LMOD1: variants seen among roughly 807,000 people sequenced by gnomAD.
LMOD1 encodes the protein leiomodin-1.
Under a neutral mutation model 36.5 loss-of-function variants are expected in LMOD1, and 8 were observed. The ratio of observed to expected loss-of-function variants is 0.22; its 90% CI spans 0.13 to 0.40. LMOD1 has a LOEUF of 0.40. Among genes scored for constraint, LMOD1 ranks in the 10% least tolerant of loss-of-function variants. LMOD1 has a pLI of 1.00. For missense variants in LMOD1, 630 were observed against 751.1 expected (o/e 0.84, Z 1.88); for synonymous variants, 284 against 288.7 (o/e 0.98, Z 0.17).
chr1:201,914,149 G>C (rs1033423949), intron 1 of LMOD1, among the ~76,000 whole-genome samples: 1 of 152,118 alleles, frequency 6.6e-6, no homozygotes, highest in Admixed American at 6.6e-5. Context: ...CCAGTCACAC[G>C]TGCCAGCCAA....
rs1176113838 is a variant in LMOD1 at position 201,898,406 on chromosome 1, G to A, written c.1777-8C>T. Reference sequence around the variant, plus strand: ...CAGTTTGGGCACTTCCACCTGTAGGGGCAAAGTAGAGACAGGTTAGAGAAG... The same window carrying A: ...CAGTTTGGGCACTTCCACCTGTAGGAGCAAAGTAGAGACAGGTTAGAGAAG... On this transcript the variant is annotated splice_region_variant and splice_polypyrimidine_tract_variant and intron_variant, in intron 2 of 2. Coordinates refer to ENST00000367288, the MANE Select transcript of LMOD1 (RefSeq NM_012134.3). The A allele has an allele frequency of 6.2e-7, 1 of 1,612,240 alleles. No individual in the cohort carries two copies. The highest frequency in any genetic ancestry group is 1.7e-5 in the Admixed American group (1 of 59,810).
chr1:201,905,616 C>A (rs1453569869), intron 1 of LMOD1, among the ~76,000 whole-genome samples: 1 of 152,220 alleles, frequency 6.6e-6, no homozygotes, highest in Non-Finnish European at 1.5e-5. Context: ...CCCACTGATA[C>A]CTTGCCAGCC....
chr1:201,945,454 C>G (rs1489190370), intron 1 of LMOD1, among the ~76,000 whole-genome samples: 1 of 152,126 alleles, frequency 6.6e-6, no homozygotes, highest in East Asian at 1.9e-4. Flanking sequence ...AACCAACTAA[C>G]CACAACAAAA....
Position 201,899,505 on chromosome 1 carries a change from G to T in LMOD1, c.1508C>A (p.Ala503Asp). The change falls in exon 2 of 3, where the codon GCC becomes GAC. Residue 503 changes from alanine to aspartate, a missense_variant. By Grantham distance (126) the Ala-to-Asp change is moderately radical. Around this residue, in one of 3 missense-constraint regions of LMOD1, gnomAD observed 144 missense variants for 169.8 expected, o/e 0.85. Transcript: ENST00000367288. This position sits in a 1 kb window ranked among gnomAD's most constrained non-coding sequence, Gnocchi z 6.3. ...AGGTTTTGGGGAGCCCTTAGCCACG[G>T]CCCCGGCCTTGGGTACCTCCAGCAG... ...KDLLEVPKAGAVAKGSPKPSP... is the reference protein window; with the variant it reads ...KDLLEVPKAGDVAKGSPKPSP... 6.2e-7 allele frequency: 1 copy of T among 1,613,956 alleles called. No individual in the cohort carries two copies. The highest frequency in any genetic ancestry group is 2.2e-5 in the East Asian group (1 of 44,874).
At chr1:201,943,963 G>T (rs1682161829) in intron 1 of LMOD1, among the ~76,000 whole-genome samples, 1 of 152,158 alleles carries the variant, frequency 6.6e-6, no homozygotes, top group South Asian at 2.1e-4. Context: ...TGCCAAAGAA[G>T]CCACCTTCTA....
Position 201,946,083 on chromosome 1 carries a change from C to T in LMOD1, c.258G>A (p.Met86Ile). Residue 86 changes from methionine to isoleucine, a missense_variant, in exon 1 of 3, where the codon ATG becomes ATA. This residue lies in a region of LMOD1 where 405 missense variants were observed against 400.6 expected (regional missense o/e 1.01). Transcript: ENST00000367288. ...CTCCAGGGCTGTGCTCACTCACATC[C>T]ATGGACATCTCCCTCTGCATAAGTT... ...TKKLMQREMS[M>I]DESKQVETKT... is the part of the protein sequence containing the mutation. The T allele has an allele frequency of 1.2e-6, 2 of 1,613,676 alleles. No individual in the cohort carries two copies. Among genetic ancestry groups the T allele is most frequent in the Non-Finnish European group, 1.7e-6 (2 of 1,179,636 alleles).
chr1:201,936,096 CAAAAAAAAAAAAAA>C (rs61077548), intron 1 of LMOD1, among the ~76,000 whole-genome samples: 2 of 73,094 alleles, frequency 2.7e-5, no homozygotes, highest in Non-Finnish European at 5.9e-5. Context: ...GACCTTGTCT[CAAAAAAAAAAAAAA>C]AAAAAAAAAA....
At chr1:201,933,376 T>G (rs1681958578) in intron 1 of LMOD1, among the ~76,000 whole-genome samples, 1 of 150,282 alleles carries the variant, frequency 6.7e-6, no homozygotes. Flanking sequence ...ATCTCGTCAT[T>G]GCACTCCAGC....
intron 1 of LMOD1, among the ~76,000 whole-genome samples, chr1:201,919,467 G>A (rs1384677190): frequency 6.6e-6 from 1 of 151,458 alleles, no homozygotes; most frequent in Non-Finnish European, 1.5e-5. Context: ...GCCTCCCAAA[G>A]TGCTGGGATT....
chr1:201,898,962 G>A (rs957636239), intron 2 of LMOD1, among the ~76,000 whole-genome samples: 1 of 152,170 alleles, frequency 6.6e-6, no homozygotes, highest in Non-Finnish European at 1.5e-5. Flanking sequence ...GGAGAAACAG[G>A]CTTCATTGCA....
chr1:201,914,229 C>A (rs922650709), intron 1 of LMOD1, among the ~76,000 whole-genome samples: 2 of 152,220 alleles, frequency 1.3e-5, no homozygotes. Context: ...GCTGGGCTAT[C>A]TGGGGAGAGT....
At chr1:201,917,453 C>T (rs1681630422) in intron 1 of LMOD1, among the ~76,000 whole-genome samples, 1 of 152,232 alleles carries the variant, frequency 6.6e-6, no homozygotes, top group Non-Finnish European at 1.5e-5. Context: ...TGGCTTCTGC[C>T]TGGGGGTTAT....
Position 201,923,408 on chromosome 1 carries a change from G to A in LMOD1, c.262-22657C>T, listed in dbSNP as rs115230191. 1.8e-3 allele frequency among the ~76,000 whole-genome samples: 273 copies of A among 152,264 alleles called. 1 individual carries two copies. The highest frequency in any genetic ancestry group is 5.7e-3 in the Admixed American group (87 of 15,294). On this transcript the variant is annotated intron_variant, in intron 1 of 2. Coordinates refer to ENST00000367288, the MANE Select transcript of LMOD1 (RefSeq NM_012134.3). Reference sequence around the variant, plus strand: ...TTTTCTATTAAGTTATGCACAGTTTGTTGCAACTTGAGGTCAAAAGAAAGT... The same window carrying A: ...TTTTCTATTAAGTTATGCACAGTTTATTGCAACTTGAGGTCAAAAGAAAGT...
At chr1:201,944,936 T>G (rs1165931363) in intron 1 of LMOD1, among the ~76,000 whole-genome samples, 1 of 152,170 alleles carries the variant, frequency 6.6e-6, no homozygotes, top group East Asian at 1.9e-4. Flanking sequence ...CATTCTCAGT[T>G]CCTCTGTGAG....
chr1:201,933,597 ATATATATATATAT>A (rs375544499), intron 1 of LMOD1, among the ~76,000 whole-genome samples: 68,466 of 110,774 alleles, frequency 0.62, 18,837 homozygotes, highest in Non-Finnish European at 0.68. Context: ...TACATACATT[ATATATATATATAT>A]ATATATATAT....
At chr1:201,945,598 GT>G (rs1384855111) in intron 1 of LMOD1, among the ~76,000 whole-genome samples, 3 of 152,150 alleles carry the variant, frequency 2.0e-5, no homozygotes, top group African/African-American at 7.2e-5. Context: ...AATGATCCAT[GT>G]GCCGTGAGAT....
At position 201,944,979 on chromosome 1, in the gene LMOD1, G is replaced by C. The variant is rs183708732; in HGVS notation, c.261+1101C>G. ...ATGTCATTTGAAGCTCTGTGCCTCA[G>C]TTTCCATAGAAGTAAAACAAAAAGC... On this transcript the variant is annotated intron_variant, in intron 1 of 2. Coordinates refer to ENST00000367288, the MANE Select transcript of LMOD1 (RefSeq NM_012134.3). Among the ~76,000 whole-genome samples the C allele has an allele frequency of 3.3e-5, 5 of 152,274 alleles. No individual in the cohort carries two copies. The East Asian group carries it at 9.7e-4, about 29-fold the overall frequency.
In LMOD1 at chr1:201,900,522, C is replaced by T; in HGVS notation, c.491G>A (p.Arg164Lys). The T allele has an allele frequency of 6.2e-7, 1 of 1,613,880 alleles. No individual in the cohort carries two copies. Among genetic ancestry groups the T allele is most frequent in the Non-Finnish European group, 8.5e-7 (1 of 1,179,884 alleles). ...IIRGIDKGRV[R>K]AAVDKKEAGK... is the part of the protein sequence containing the mutation. ...TGCCTCCTTCTTATCCACTGCAGCC[C>T]TGACCCGGCCCTTGTCAATGCCCCG... The change falls in exon 2 of 3, where the codon AGG becomes AAG. Residue 164 changes from arginine (R) to lysine (K), a missense_variant. Arg to Lys is a conservative substitution (Grantham distance 26). Around this residue, in one of 3 missense-constraint regions of LMOD1, gnomAD observed 405 missense variants for 400.6 expected, o/e 1.01. Transcript: ENST00000367288.
intron 1 of LMOD1, among the ~76,000 whole-genome samples, chr1:201,925,257 G>GT (rs767275080): frequency 4.8e-4 from 73 of 152,198 alleles, no homozygotes; most frequent in Non-Finnish European, 9.1e-4. Context: ...CCACCAGCTG[G>GT]TGACCTCTCT....
Sources: gnomAD v4.1 joint callset for allele counts (sites outside exome capture counted in the v4.1 genomes callset) on GRCh38, gnomAD v4.1.1 for gene constraint, gnomAD v4.1.1 regional missense constraint, Gnocchi (gnomAD v3.1) non-coding constraint, MANE v1.5 for transcripts, NCBI Gene and HGNC (gene_info 2026-07-23, HGNC 2026-07-21) for gene names.